Variants in ARHGAP39 observed in about 807,000 individuals in gnomAD.
ARHGAP39 encodes Rho GTPase activating protein 39.
Under a neutral mutation model 106.9 loss-of-function variants are expected in ARHGAP39, and 44 were observed. That is an observed-to-expected ratio of 0.41 (90% CI 0.32 to 0.53). The LOEUF is 0.53. ARHGAP39 is among the 20% of genes least tolerant of loss of function. ARHGAP39 has a pLI of 0.21. For missense variants in ARHGAP39, 1,496 were observed against 1,577.3 expected, an observed-to-expected ratio of 0.95 and a Z score of 0.87; for synonymous variants, 768 against 693.2, an observed-to-expected ratio of 1.11 and a Z score of -1.69.
chr8:144,551,566 G>A lies in ARHGAP39; in HGVS notation c.597-3077C>T, dbSNP rs1817691370. ...ACAGTGGCAGCTAGGTGAGGACCACGCCCCACGGCGCCCAGAGTGTCTCTT... is the reference window on the plus strand; with the variant it reads ...ACAGTGGCAGCTAGGTGAGGACCACACCCCACGGCGCCCAGAGTGTCTCTT... On this transcript the variant is annotated intron_variant, in intron 4 of 11. Transcript: ENST00000377307. Among the ~76,000 whole-genome samples the A allele has an allele frequency of 3.3e-5, 5 of 152,234 alleles. No homozygotes were observed. In the Middle Eastern group the frequency reaches 0.01, roughly 311 times the overall value.
At chr8:144,617,225 A>G (rs1201274568) in intron 1 of ARHGAP39, among the ~76,000 whole-genome samples, 1 of 152,042 alleles carries the variant, frequency 6.6e-6, no homozygotes, top group Non-Finnish European at 1.5e-5. Flanking sequence ...AAAACACCAA[A>G]AAAACAAAAA....
At chr8:144,560,172 G>T (rs1818089307) in intron 3 of ARHGAP39, among the ~76,000 whole-genome samples, 1 of 152,198 alleles carries the variant, frequency 6.6e-6, no homozygotes, top group Admixed American at 6.5e-5. Context: ...AGTGACTCAC[G>T]CCTGTAATTC....
chr8:144,601,867 G>A (rs866203808), intron 2 of ARHGAP39, among the ~76,000 whole-genome samples: 29 of 145,504 alleles, frequency 2.0e-4, no homozygotes, highest in Middle Eastern at 3.9e-3. Context: ...GTGTGTGTGC[G>A]AGCTCACGTA....
chr8:144,640,437 C>T (rs1004042367), intron 1 of ARHGAP39, among the ~76,000 whole-genome samples: 11 of 152,206 alleles, frequency 7.2e-5, no homozygotes, highest in African/African-American at 2.7e-4. Flanking sequence ...AGTCTCCCTG[C>T]ACAAGCTCTC....
At position 144,530,409 on chromosome 8, in the gene ARHGAP39, C is replaced by A; in HGVS notation, c.*13G>T. On this transcript the variant is annotated 3_prime_UTR_variant, in exon 12 of 12. Coordinates refer to ENST00000377307, the MANE Select transcript of ARHGAP39 (RefSeq NM_025251.3). The stretch of plus-strand genomic sequence containing the variant: ...GGGCGGCAGGACATCCCTCCTGTCC[C>A]CGGGCGCCCCCGCTACAGCACACCC... The A allele has an allele frequency of 6.3e-7, 1 of 1,583,332 alleles. No individual in the cohort carries two copies. The highest frequency in any genetic ancestry group is 8.6e-7 in the Non-Finnish European group (1 of 1,162,106).
chr8:144,565,957 A>C (rs112066420), intron 3 of ARHGAP39, among the ~76,000 whole-genome samples: 11,357 of 148,774 alleles, frequency 0.076, 1,502 homozygotes, highest in African/African-American at 0.27. Context: ...CTGGGTACGG[A>C]AGTCAGCAAG....
At chr8:144,581,832 G>A (rs927823466) in intron 2 of ARHGAP39, among the ~76,000 whole-genome samples, 6 of 152,118 alleles carry the variant, frequency 3.9e-5, no homozygotes, top group Admixed American at 1.3e-4. Flanking sequence ...GTCTCCACCC[G>A]GCCCTCAGAC....
In ARHGAP39 at chr8:144,635,194, G is replaced by C. The variant is rs561036096; in HGVS notation, c.-81-29499C>G. 3.0e-4 allele frequency among the ~76,000 whole-genome samples: 46 copies of C among 152,368 alleles called. 1 individual carries two copies. The South Asian group carries it at 9.5e-3, about 32-fold the overall frequency. On this transcript the variant is annotated intron_variant, in intron 1 of 11. Coordinates refer to ENST00000377307, the MANE Select transcript of ARHGAP39 (RefSeq NM_025251.3). ...AGCCCCTAGGTGGCTTGAGGATGGG[G>C]TAGGTCACCAGAAAGACCAACGCAC... is the stretch of plus-strand genomic sequence containing the variant.
Position 144,546,618 on chromosome 8 carries a change from C to A in ARHGAP39, c.1959+509G>T, listed in dbSNP as rs550454153. ...ATCTAGCCTCCATCAGCTCCAGGAG[C>A]CAGATGGGGAACGTGCCAGAGGCCC... On this transcript the variant is annotated intron_variant, in intron 5 of 11. Transcript: ENST00000377307. 7.2e-4 allele frequency among the ~76,000 whole-genome samples: 110 copies of A among 152,362 alleles called. 5 individuals carry two copies. The South Asian group carries it at 0.02, about 28-fold the overall frequency.
intron 1 of ARHGAP39, among the ~76,000 whole-genome samples, chr8:144,677,847 T>C (rs1563735015): frequency 6.6e-6 from 1 of 152,118 alleles, no homozygotes; most frequent in Non-Finnish European, 1.5e-5. Flanking sequence ...CCACGTATAT[T>C]ATCTGCTCAA....
At chr8:144,587,489 T>C (rs1819223500) in intron 2 of ARHGAP39, among the ~76,000 whole-genome samples, 1 of 152,176 alleles carries the variant, frequency 6.6e-6, no homozygotes, top group Admixed American at 6.5e-5. Flanking sequence ...TCACGTGTTA[T>C]ACAGGTTTAA....
rs762962127 is a variant in ARHGAP39 at position 144,530,469 on chromosome 8, C to A, written c.3298G>T (p.Val1100Leu). 13 of 1,611,066 alleles carry A rather than the reference C, an allele frequency of 8.1e-6. No individual in the cohort carries two copies. In the South Asian group the frequency reaches 1.4e-4, roughly 18 times the overall value. Reference protein sequence around the residue: ...NTRKEMSFLRVLIQHLDTSFM... With the variant: ...NTRKEMSFLRLLIQHLDTSFM... The stretch of plus-strand genomic sequence containing the variant: ...CTGGTGTCCAGGTGCTGGATGAGCA[C>A]CCGCAGGAAGGACATCTCCTTGCGG... Residue 1100 changes from valine (V) to leucine (L), a missense_variant, in exon 12 of 12, where the codon GTG becomes TTG. Val to Leu is a conservative substitution (Grantham distance 32). Around this residue, in one of 4 missense-constraint regions of ARHGAP39, gnomAD observed 470 missense variants for 605.1 expected, o/e 0.78. Coordinates refer to ENST00000377307, the MANE Select transcript of ARHGAP39 (RefSeq NM_025251.3).
At chr8:144,643,746 G>C (rs1821369026) in intron 1 of ARHGAP39, among the ~76,000 whole-genome samples, 1 of 152,166 alleles carries the variant, frequency 6.6e-6, no homozygotes, top group South Asian at 2.1e-4. Context: ...ACGTGTGATA[G>C]AAGAAAAACA....
At chr8:144,636,744 G>A (rs1226192233) in intron 1 of ARHGAP39, among the ~76,000 whole-genome samples, 5 of 152,132 alleles carry the variant, frequency 3.3e-5, no homozygotes, top group Non-Finnish European at 5.9e-5. Context: ...TGACACTCCC[G>A]CACCCCAGGC....
At chr8:144,602,797 C>T (rs1246887443) in intron 2 of ARHGAP39, among the ~76,000 whole-genome samples, 1 of 94,322 alleles carries the variant, frequency 1.1e-5, no homozygotes, top group East Asian at 3.2e-4. Flanking sequence ...CGTGTGTGTG[C>T]ATGTGCATGG....
At chr8:144,609,493 C>G (rs1820412273) in intron 1 of ARHGAP39, among the ~76,000 whole-genome samples, 1 of 151,322 alleles carries the variant, frequency 6.6e-6, no homozygotes, top group Non-Finnish European at 1.5e-5. Context: ...CCTCCACCTC[C>G]CAGGTTCAAG....
At chr8:144,686,303 T>C (rs1030363853), upstream of ARHGAP39, among the ~76,000 whole-genome samples, 2 of 152,144 alleles carry the variant, frequency 1.3e-5, no homozygotes, top group Non-Finnish European at 2.9e-5. Context: ...CCTCCTGTTA[T>C]TCTCACCTTT....
Position 144,604,901 on chromosome 8 carries a change from C to T in ARHGAP39, c.80+634G>A, listed in dbSNP as rs780471237. 7.2e-5 allele frequency among the ~76,000 whole-genome samples: 11 copies of T among 152,346 alleles called. No homozygotes were observed. The highest frequency in any genetic ancestry group is 2.1e-4 in the South Asian group (1 of 4,832). ...CACAGGGTCTCTGGGCAAGGGCACTCGAGCACTCATGGGGCTGTTCTTATT... is the reference window on the plus strand; with the variant it reads ...CACAGGGTCTCTGGGCAAGGGCACTTGAGCACTCATGGGGCTGTTCTTATT... On this transcript the variant is annotated intron_variant, in intron 2 of 11. Transcript: ENST00000377307. This position sits in a 1 kb window ranked among gnomAD's most constrained non-coding sequence, Gnocchi z 4.1.
rs187051264 is a variant in ARHGAP39 at position 144,565,850 on chromosome 8, G to A, written c.513-10207C>T. Among the ~76,000 whole-genome samples the A allele has an allele frequency of 5.1e-4, 77 of 151,854 alleles. 2 individuals are homozygous for A. The East Asian group carries it at 0.011, about 21-fold the overall frequency. On this transcript the variant is annotated intron_variant, in intron 3 of 11. Transcript: ENST00000377307. ...CAGTGGCTCACACTTGTCGCACTAC[G>A]GGAGGCTGAGGCGGGAGGATCGCTT...
Sources: allele counts gnomAD v4.1 joint callset (sites outside exome capture counted in the v4.1 genomes callset), GRCh38; gene constraint gnomAD v4.1.1; regional missense constraint gnomAD v4.1.1; non-coding constraint Gnocchi (gnomAD v3.1); transcripts MANE v1.5; gene names NCBI Gene and HGNC (gene_info 2026-07-23, HGNC 2026-07-21).